The following GPC5 variants were observed in gnomAD, a reference collection of about 807,000 sequenced individuals.
GPC5 encodes the protein glypican-5.
A neutral mutation model predicts 53.9 loss-of-function variants in GPC5; 47 were observed. The observed-to-expected ratio is 0.87, with a 90% CI of 0.69 to 1.11. GPC5 has a LOEUF of 1.11. Among genes scored for constraint, GPC5 ranks in the 50% most tolerant of loss-of-function variants. GPC5 has a pLI of 0.00. For synonymous variants in GPC5, 286 were observed against 263.3 expected, an observed-to-expected ratio of 1.09 and a Z score of -0.84; for missense variants, 748 against 713.1, an observed-to-expected ratio of 1.05 and a Z score of -0.56.
chr13:91,983,706 TAGCCA>T (rs373557790), intron 6 of GPC5, among the ~76,000 whole-genome samples: 1 of 152,308 alleles, frequency 6.6e-6, no homozygotes, highest in East Asian at 1.9e-4. Context: ...CTTGGTCAAA[TAGCCA>T]AACGGGGAGT....
intron 5 of GPC5, among the ~76,000 whole-genome samples, chr13:91,906,947 G>C (rs1045546779): frequency 3.7e-4 from 55 of 150,512 alleles, no homozygotes; most frequent in African/African-American, 1.3e-3. Context: ...GTACAGTTAT[G>C]GTTTATGATA....
At chr13:92,652,953 T>G (rs1427719672) in intron 7 of GPC5, among the ~76,000 whole-genome samples, 1 of 152,162 alleles carries the variant, frequency 6.6e-6, no homozygotes, top group African/African-American at 2.4e-5. Flanking sequence ...CCTCAGAACC[T>G]TCCAGAGCTT....
intron 5 of GPC5, among the ~76,000 whole-genome samples, chr13:91,825,149 A>G (rs2138842817): frequency 6.6e-6 from 1 of 151,992 alleles, no homozygotes; most frequent in African/African-American, 2.4e-5. Context: ...AGAGAGAGAG[A>G]GCTAGAGAGA....
At chr13:92,346,233 T>A (rs1313944670) in intron 7 of GPC5, among the ~76,000 whole-genome samples, 1 of 152,154 alleles carries the variant, frequency 6.6e-6, no homozygotes, top group East Asian at 1.9e-4. Flanking sequence ...TGATCCTGCC[T>A]GTCCCAAGCA....
chr13:92,804,196 T>C (rs1877013038), intron 7 of GPC5, among the ~76,000 whole-genome samples: 1 of 151,964 alleles, frequency 6.6e-6, no homozygotes, highest in African/African-American at 2.4e-5. Flanking sequence ...AGACCTCTTC[T>C]AGAGCCCTTG....
chr13:91,488,737 C>T (rs1883760061), intron 2 of GPC5, among the ~76,000 whole-genome samples: 1 of 152,176 alleles, frequency 6.6e-6, no homozygotes, highest in African/African-American at 2.4e-5. Context: ...GTTTGTAGAG[C>T]ATGTGTGTTT....
intron 6 of GPC5, among the ~76,000 whole-genome samples, chr13:91,970,698 G>C (rs1275961518): frequency 6.6e-6 from 1 of 152,066 alleles, no homozygotes; most frequent in East Asian, 1.9e-4. Flanking sequence ...TTTGTCAAAG[G>C]CCTTTTCTGC....
chr13:91,917,609 C>G (rs983818654), intron 6 of GPC5, among the ~76,000 whole-genome samples: 1 of 152,240 alleles, frequency 6.6e-6, no homozygotes, highest in African/African-American at 2.4e-5. Flanking sequence ...CTCTTGAATG[C>G]TTTGCCAATT....
At chr13:92,089,337 G>C (rs897067216) in intron 6 of GPC5, among the ~76,000 whole-genome samples, 4 of 152,122 alleles carry the variant, frequency 2.6e-5, no homozygotes, top group African/African-American at 7.2e-5. Context: ...AGGAGGCTGA[G>C]GCAGGAGAAT....
chr13:91,970,757 C>A (rs1174532112), intron 6 of GPC5, among the ~76,000 whole-genome samples: 2 of 152,074 alleles, frequency 1.3e-5, no homozygotes, highest in African/African-American at 2.4e-5. Context: ...TGTTTATATA[C>A]TGGATTACAT....
chr13:92,472,673 A>G (rs1236337891), intron 7 of GPC5, among the ~76,000 whole-genome samples: 1 of 152,140 alleles, frequency 6.6e-6, no homozygotes, highest in Non-Finnish European at 1.5e-5. Flanking sequence ...ATGAATATCC[A>G]GAGTGACAAA....
intron 2 of GPC5, among the ~76,000 whole-genome samples, chr13:91,560,105 G>A (rs1351364406): frequency 6.6e-6 from 1 of 151,988 alleles, no homozygotes; most frequent in East Asian, 1.9e-4. Context: ...AGCTTACTTG[G>A]TTGGTTTCCT....
At chr13:92,847,348 T>A (rs1243471204) in intron 7 of GPC5, among the ~76,000 whole-genome samples, 2 of 152,174 alleles carry the variant, frequency 1.3e-5, no homozygotes. Flanking sequence ...TGATATGGTT[T>A]GGATTTGTGT....
intron 7 of GPC5, among the ~76,000 whole-genome samples, chr13:92,234,174 A>G (rs912555002): frequency 6.6e-6 from 1 of 152,196 alleles, no homozygotes; most frequent in Non-Finnish European, 1.5e-5. Flanking sequence ...GTATATACCC[A>G]GTAATGAGAT....
At chr13:91,757,074 TC>T (rs1433953825) in intron 5 of GPC5, among the ~76,000 whole-genome samples, 1 of 152,090 alleles carries the variant, frequency 6.6e-6, no homozygotes, top group African/African-American at 2.4e-5. Flanking sequence ...TTTGACAGTT[TC>T]TTTTCCTTTA....
In GPC5 at chr13:91,398,906, C is replaced by G; in HGVS notation, c.-141C>G. 9.5e-7 allele frequency: 1 copy of G among 1,050,380 alleles called. No individual in the cohort carries two copies. The highest frequency in any genetic ancestry group is 2.8e-5 in the East Asian group (1 of 35,298). The allele number at this position is 1,050,380 out of a possible 1,614,324, so 65.1% of individuals were successfully genotyped here. ...AACTGCTCCCAGGTGAAGCCGGTGC[C>G]CGCGGGCGGTCCGTACACCCCGCAG... On this transcript the variant is annotated 5_prime_UTR_variant, in exon 1 of 8. Transcript: ENST00000377067.
rs183282468 is a variant in GPC5 at position 92,437,305 on chromosome 13, T to C, written c.1561+292316T>C. Among the ~76,000 whole-genome samples the C allele has an allele frequency of 6.5e-4, 99 of 152,118 alleles. 1 individual carries two copies. Among genetic ancestry groups the C allele is most frequent in the African/African-American group, 2.3e-3 (95 of 41,522 alleles). On this transcript the variant is annotated intron_variant, in intron 7 of 7. Coordinates refer to ENST00000377067, the MANE Select transcript of GPC5 (RefSeq NM_004466.6). ...ACTAATAATACTGCAGGTATCGGAG[T>C]CTTTATTTAGTTTTTTGATTTATGC...
At chr13:92,754,302 C>A (rs1015877469) in intron 7 of GPC5, among the ~76,000 whole-genome samples, 1 of 152,120 alleles carries the variant, frequency 6.6e-6, no homozygotes, top group Non-Finnish European at 1.5e-5. Flanking sequence ...CACCACCAGG[C>A]CTGCCCTAAA....
chr13:92,152,110 TG>T (rs1346223243), intron 7 of GPC5, among the ~76,000 whole-genome samples: 13 of 152,198 alleles, frequency 8.5e-5, no homozygotes, highest in South Asian at 2.1e-4. Flanking sequence ...AAGCTAAAAA[TG>T]TGAATTAAAA....
Sources: gnomAD v4.1 joint callset for allele counts (sites outside exome capture counted in the v4.1 genomes callset) on GRCh38, gnomAD v4.1.1 for gene constraint, MANE v1.5 for transcripts, NCBI Gene and HGNC (gene_info 2026-07-23, HGNC 2026-07-21) for gene names.